Variants in CEP57L1 observed in about 807,000 individuals in gnomAD.
CEP57L1 encodes centrosomal protein 57 like 1.
CEP57L1 carries 37 observed loss-of-function variants against 61.0 expected under a neutral mutation model. The ratio of observed to expected loss-of-function variants is 0.61; its 90% confidence interval spans 0.47 to 0.80. CEP57L1 has a LOEUF of 0.80. Among genes scored for constraint, CEP57L1 ranks in the 30% least tolerant of loss-of-function variants. The probability of loss-of-function intolerance (pLI) is 0.00; values close to 1 mark genes in which losing one functional copy is unlikely to be tolerated. For synonymous variants in CEP57L1, 137 were observed against 162.3 expected, an observed-to-expected ratio of 0.84 and a Z score of 1.19; for missense variants, 422 against 524.7, an observed-to-expected ratio of 0.80 and a Z score of 1.91.
Position 109,167,825 on chromosome 6 carries a change from G to T in CEP57L1, c.*4855G>T, listed in dbSNP as rs148585399. ...TAAGAGGAAGAGGTTTGAGAGCCAA[G>T]AGTTCTTTATTTGGATATTGGTATG... On this transcript the variant is annotated 3_prime_UTR_variant, in exon 11 of 11. Transcript: ENST00000517392. Among the ~76,000 whole-genome samples the T allele has an allele frequency of 2.8e-4, 42 of 152,350 alleles. 1 individual carries two copies. In the East Asian group the frequency reaches 7.9e-3, roughly 29 times the overall value.
intron 1 of CEP57L1, among the ~76,000 whole-genome samples, chr6:109,107,493 C>G (rs1037001672): frequency 2.6e-5 from 4 of 152,166 alleles, no homozygotes; most frequent in East Asian, 1.9e-4. Context: ...TTAAATAATG[C>G]AAATTATGGA....
rs935708345 is a variant in CEP57L1, at chr6:109,171,400, G to A, written c.*8430G>A. On this transcript the variant is annotated 3_prime_UTR_variant, in exon 11 of 11. Coordinates refer to ENST00000517392, the MANE Select transcript of CEP57L1 (RefSeq NM_001271852.3). ...ATTACAGGCATGCGTCACCACACCC[G>A]GCTGTTTTTTTTTTTCGCATTTTTA... Among the ~76,000 whole-genome samples, 2 of 146,352 alleles carry A rather than the reference G, an allele frequency of 1.4e-5. No homozygotes were observed. The highest frequency in any genetic ancestry group is 5.2e-5 in the African/African-American group (2 of 38,430).
chr6:109,157,185 C>T (rs1773297140), intron 7 of CEP57L1: 1 of 152,076 alleles, frequency 6.6e-6, no homozygotes, highest in South Asian at 2.1e-4. Flanking sequence ...GTACTTAGTT[C>T]AAATCCCAAG....
Position 109,159,271 on chromosome 6 carries a change from G to A in CEP57L1, c.825G>A (p.Met275Ile). Reference protein sequence around the residue: ...FGALPFVAEKMRQHRDPHILQ... With the variant: ...FGALPFVAEKIRQHRDPHILQ... ...CAAGTATGCAAAACTTTTTGCAGAT[G>A]AGGCAACATCGTGACCCACATATCC... The change falls in exon 9 of 11, where the codon ATG (methionine) becomes ATA (isoleucine). Residue 275 changes from methionine to isoleucine, a missense_variant and splice_region_variant. Met to Ile is a conservative substitution (Grantham distance 10, BLOSUM62 1). Coordinates refer to ENST00000517392, the MANE Select transcript of CEP57L1 (RefSeq NM_001271852.3). 3 of 1,614,068 alleles carry A rather than the reference G, an allele frequency of 1.9e-6. No homozygotes were observed. Among genetic ancestry groups the A allele is most frequent in the South Asian group, 2.2e-5 (2 of 91,082 alleles).
intron 1 of CEP57L1, among the ~76,000 whole-genome samples, chr6:109,105,581 T>C (rs1193278871): frequency 6.6e-6 from 1 of 152,216 alleles, no homozygotes; most frequent in African/African-American, 2.4e-5. Context: ...TGAAGTACCA[T>C]AATCAGTCTT....
rs1774463647 is a variant in CEP57L1, at chr6:109,172,794, CCTT to C, written c.*9828_*9830del. On this transcript the variant is annotated 3_prime_UTR_variant, in exon 11 of 11. Transcript: ENST00000517392. The stretch of plus-strand genomic sequence containing the variant: ...AAAGGTTACGCTTAGTATACAAAGA[CCTT>C]CTTATAAGTCTAGTTAATAAAACTA... Among the ~76,000 whole-genome samples the C allele has an allele frequency of 6.6e-6, 1 of 152,116 alleles. No homozygotes were observed.
At chr6:109,151,311 T>A (rs1772591090) in intron 4 of CEP57L1, among the ~76,000 whole-genome samples, 1 of 152,180 alleles carries the variant, frequency 6.6e-6, no homozygotes, top group Non-Finnish European at 1.5e-5. Flanking sequence ...TGAAGAAGAA[T>A]AAGATGAAAG....
At chr6:109,095,192 C>A (rs1328236515), upstream of CEP57L1, 2 of 985,514 alleles carry the variant, frequency 2.0e-6, no homozygotes, top group Non-Finnish European at 2.4e-6. Context: ...AAGCTTGCGC[C>A]CTGAGGCGGT....
intron 3 of CEP57L1, among the ~76,000 whole-genome samples, chr6:109,148,618 C>G (rs938513952): frequency 2.0e-5 from 3 of 152,074 alleles, no homozygotes; most frequent in South Asian, 2.1e-4. Flanking sequence ...ATTTATAATC[C>G]TTTGGGTATA....
At chr6:109,101,597 C>T (rs1241307450) in intron 1 of CEP57L1, among the ~76,000 whole-genome samples, 1 of 151,618 alleles carries the variant, frequency 6.6e-6, no homozygotes, top group Admixed American at 6.6e-5. Context: ...GTAAGAAACT[C>T]ACAGCTGTTT....
At position 109,163,002 on chromosome 6, in the gene CEP57L1, TTGTC is replaced by T; in HGVS notation, c.*33_*36del. On this transcript the variant is annotated 3_prime_UTR_variant, in exon 11 of 11. Coordinates refer to ENST00000517392, the MANE Select transcript of CEP57L1 (RefSeq NM_001271852.3). ...AGCAAAACTGTCACCTTAATGAACT[TTGTC>T]AGTGAGACCTTGAATTGTCTAAAGT... 1 of 1,387,536 alleles carries T rather than the reference TTGTC, an allele frequency of 7.2e-7. No individual in the cohort carries two copies. The highest frequency in any genetic ancestry group is 1.0e-6 in the Non-Finnish European group (1 of 979,570). The allele number at this position is 1,387,536 out of a possible 1,614,324, so 86.0% of individuals were successfully genotyped here.
Position 109,150,124 on chromosome 6 carries a change from G to A in CEP57L1, c.347G>A (p.Ser116Asn), listed in dbSNP as rs1487288576. Reference protein sequence around the residue: ...QELIKQKKDISIQLSSAQSRC... With the variant: ...QELIKQKKDINIQLSSAQSRC... ...AATACCCTTTATTTCATAGATATAA[G>A]TATACAGTTAAGCTCAGCCCAGTCT... The change falls in exon 4 of 11, where the codon AGT becomes AAT. Residue 116 changes from serine (S) to asparagine (N), a missense_variant. Transcript: ENST00000517392. 18 of 1,589,216 alleles carry A rather than the reference G, an allele frequency of 1.1e-5. No individual in the cohort carries two copies. Among genetic ancestry groups the A allele is most frequent in the Non-Finnish European group, 1.6e-5 (18 of 1,158,778 alleles).
chr6:109,157,002 A>G (rs1583656901), intron 7 of CEP57L1: 1 of 152,130 alleles, frequency 6.6e-6, no homozygotes, highest in Admixed American at 6.5e-5. Flanking sequence ...CATACTGCCC[A>G]GTATGTATGT....
In CEP57L1 at chr6:109,163,747, A is replaced by G. The variant is rs930711866; in HGVS notation, c.*777A>G. The G allele has an allele frequency of 5.3e-5, 8 of 151,972 alleles. No homozygotes were observed. Among genetic ancestry groups the G allele is most frequent in the African/African-American group, 1.9e-4 (8 of 41,382 alleles). 9.4% of individuals were successfully genotyped at this position (151,972 alleles called of 1,614,324 possible). ...CAAAAGTGGTATTTTTTTTTTGTAC[A>G]AGAAAGTATAGAGGAAGAGGAAGCT... is the stretch of plus-strand genomic sequence containing the variant. On this transcript the variant is annotated 3_prime_UTR_variant, in exon 11 of 11. Transcript: ENST00000517392.
chr6:109,138,017 G>T (rs1413688785), intron 1 of CEP57L1, among the ~76,000 whole-genome samples: 1 of 152,236 alleles, frequency 6.6e-6, no homozygotes, highest in African/African-American at 2.4e-5. Context: ...GGAACCAGAA[G>T]TAAAAAGTCC....
intron 1 of CEP57L1, among the ~76,000 whole-genome samples, chr6:109,142,424 A>G (rs530692743): frequency 6.6e-6 from 1 of 152,242 alleles, no homozygotes; most frequent in Non-Finnish European, 1.5e-5. Context: ...GAACACCTGG[A>G]CACAGAGAGG....
At chr6:109,142,621 GAAAA>G (rs377523803) in intron 1 of CEP57L1, among the ~76,000 whole-genome samples, 4 of 140,626 alleles carry the variant, frequency 2.8e-5, no homozygotes, top group Admixed American at 1.4e-4. Context: ...AAAATTTTAA[GAAAA>G]AAAAAAAAGG....
At position 109,167,681 on chromosome 6, in the gene CEP57L1, C is replaced by CAAAAAAAAAAAAAAA; in HGVS notation, c.*4722_*4723insAAAAAAAAAAAAAAA. ...AACAGAGCAAGACTCTGCCTCAAAG[C>CAAAAAAAAAAAAAAA]AAAAAAAAAAAGAAAAGAAAAGAAA... On this transcript the variant is annotated 3_prime_UTR_variant, in exon 11 of 11. Transcript: ENST00000517392. 7.9e-6 allele frequency among the ~76,000 whole-genome samples: 1 copy of CAAAAAAAAAAAAAAA among 127,184 alleles called. No individual in the cohort carries two copies. The highest frequency in any genetic ancestry group is 3.0e-5 in the African/African-American group (1 of 33,710). The allele number at this position is 127,184 out of a possible 152,430, so 83.4% of individuals were successfully genotyped here.
chr6:109,095,626 C>T (rs558389672), intron 1 of CEP57L1, 51 bp downstream of exon 1: 957 of 968,690 alleles, frequency 9.9e-4, no homozygotes, highest in Non-Finnish European at 1.1e-3. Flanking sequence ...GTTTTTCCTT[C>T]CTCCATTTCC....
Sources: gnomAD v4.1 joint callset for allele counts (sites outside exome capture counted in the v4.1 genomes callset) on GRCh38, gnomAD v4.1.1 for gene constraint, MANE v1.5 for transcripts, NCBI Gene and HGNC (gene_info 2026-07-23, HGNC 2026-07-21) for gene names.